Variants in FSTL5 observed in about 807,000 individuals in gnomAD.
FSTL5 encodes follistatin-related protein 5.
Under a neutral mutation model 89.1 loss-of-function variants are expected in FSTL5, and 62 were observed. That is an observed-to-expected ratio of 0.70 (90% CI 0.57 to 0.86). The LOEUF is 0.86. FSTL5 is among the 40% of genes least tolerant of loss of function. The probability of loss-of-function intolerance (pLI) is 0.00; values close to 1 mark genes in which losing one functional copy is unlikely to be tolerated. For missense variants in FSTL5, 1,057 were observed against 1,001.6 expected, an observed-to-expected ratio of 1.06 and a Z score of -0.75; for synonymous variants, 383 against 346.2, an observed-to-expected ratio of 1.11 and a Z score of -1.18.
rs544928224 is a variant in FSTL5, at chr4:161,773,285, CAA to C, written c.606+2591_606+2592del. Among the ~76,000 whole-genome samples the C allele has an allele frequency of 3.9e-4, 59 of 152,124 alleles. No homozygotes were observed. The Middle Eastern group carries it at 0.014, about 35-fold the overall frequency. On this transcript the variant is annotated intron_variant, in intron 5 of 15. Coordinates refer to ENST00000306100, the MANE Select transcript of FSTL5 (RefSeq NM_020116.5). ...AAACCTTTCTAGACATTGGCTTAGG[CAA>C]AGACTTCATGACCAAGAACCCAAAA...
intron 7 of FSTL5, among the ~76,000 whole-genome samples, chr4:161,632,046 T>C (rs1028815902): frequency 6.6e-6 from 1 of 152,156 alleles, no homozygotes; most frequent in Non-Finnish European, 1.5e-5. Context: ...TTATTTTCAA[T>C]TGAGTGACTT....
At chr4:161,809,806 G>T (rs1243356339) in intron 4 of FSTL5, among the ~76,000 whole-genome samples, 1 of 152,156 alleles carries the variant, frequency 6.6e-6, no homozygotes, top group Non-Finnish European at 1.5e-5. Context: ...AAAGTACAAT[G>T]GTTGCAGCTA....
At chr4:161,981,742 T>A (rs528539610) in intron 3 of FSTL5, among the ~76,000 whole-genome samples, 32 of 152,342 alleles carry the variant, frequency 2.1e-4, no homozygotes, top group African/African-American at 7.5e-4. Flanking sequence ...GACTTTGCCT[T>A]CAATTTAATA....
intron 4 of FSTL5, among the ~76,000 whole-genome samples, chr4:161,866,156 C>G (rs12644743): frequency 0.04 from 6,016 of 152,242 alleles, 188 homozygotes; most frequent in East Asian, 0.15. Context: ...AAATTACACT[C>G]CAGACCCAAC....
rs143350440 is a variant in FSTL5, at chr4:162,157,299, A to C, written c.-17+6316T>G. On this transcript the variant is annotated intron_variant, in intron 1 of 15. Coordinates refer to ENST00000306100, the MANE Select transcript of FSTL5 (RefSeq NM_020116.5). The stretch of plus-strand genomic sequence containing the variant: ...AAAGTAAATTGAAGGAGAATTTGTC[A>C]TCAACTGACTGCCAGAAAAAAAATA... Among the ~76,000 whole-genome samples the C allele has an allele frequency of 8.5e-5, 13 of 152,268 alleles. No homozygotes were observed. In the East Asian group the frequency reaches 2.5e-3, roughly 29 times the overall value.
intron 1 of FSTL5, among the ~76,000 whole-genome samples, chr4:162,154,988 A>T (rs1375407360): frequency 1.3e-5 from 2 of 152,150 alleles, no homozygotes; most frequent in Non-Finnish European, 2.9e-5. Flanking sequence ...AGCAATAAAG[A>T]CCAAGGTTTA....
At chr4:161,474,397 T>C (rs952947168) in intron 13 of FSTL5, among the ~76,000 whole-genome samples, 2 of 152,196 alleles carry the variant, frequency 1.3e-5, no homozygotes, top group African/African-American at 4.8e-5. Context: ...AGACTAATAA[T>C]ATTTATGCAT....
intron 4 of FSTL5, among the ~76,000 whole-genome samples, chr4:161,907,725 CT>C (rs1179570354): frequency 6.6e-6 from 1 of 152,022 alleles, no homozygotes; most frequent in Non-Finnish European, 1.5e-5. Flanking sequence ...ACGATGAGGA[CT>C]TTTTATGGAG....
chr4:161,972,838 C>G (rs1735523979), intron 3 of FSTL5, among the ~76,000 whole-genome samples: 1 of 152,196 alleles, frequency 6.6e-6, no homozygotes, highest in Non-Finnish European at 1.5e-5. Flanking sequence ...CCATCACTTT[C>G]ACATGGACTA....
chr4:161,864,408 A>G (rs1732012618), intron 4 of FSTL5, among the ~76,000 whole-genome samples: 1 of 152,198 alleles, frequency 6.6e-6, no homozygotes, highest in African/African-American at 2.4e-5. Context: ...ATTATGACTA[A>G]CCTCACAGGT....
chr4:161,969,959 A>C (rs1735435397), intron 3 of FSTL5, among the ~76,000 whole-genome samples: 1 of 152,140 alleles, frequency 6.6e-6, no homozygotes, highest in Non-Finnish European at 1.5e-5. Context: ...TTCGATGCAG[A>C]GGGTGAAAGG....
intron 6 of FSTL5, among the ~76,000 whole-genome samples, chr4:161,736,913 A>G (rs954493878): frequency 6.6e-6 from 1 of 152,098 alleles, no homozygotes; most frequent in Admixed American, 6.6e-5. Context: ...CAAATTAGTG[A>G]GCAATACTCT....
chr4:161,775,965 T>C lies in FSTL5; in HGVS notation c.519A>G (p.Ile173Met). Reference sequence around the variant, plus strand: ...GATCCACCAATAGCTTCTTCCGAGATATGTCGTCGCCATTAGGATTTTCAT... The same window carrying C: ...GATCCACCAATAGCTTCTTCCGAGACATGTCGTCGCCATTAGGATTTTCAT... Reference protein sequence around the residue: ...QENENPNGDDISRKKLLVDQM... With the variant: ...QENENPNGDDMSRKKLLVDQM... The change falls in exon 5 of 16, where the codon ATA becomes ATG. Residue 173 changes from isoleucine (I) to methionine (M), a missense_variant. Physicochemically the swap from Ile to Met is conservative, Grantham distance 10 (BLOSUM62 1). Around this residue, in one of 3 missense-constraint regions of FSTL5, gnomAD observed 980 missense variants for 903.2 expected, o/e 1.08. Transcript: ENST00000306100. 1 of 1,607,894 alleles carries C rather than the reference T, an allele frequency of 6.2e-7. No individual in the cohort carries two copies.
At chr4:162,048,936 G>A (rs542010993) in intron 2 of FSTL5, among the ~76,000 whole-genome samples, 1 of 152,100 alleles carries the variant, frequency 6.6e-6, no homozygotes, top group Non-Finnish European at 1.5e-5. Flanking sequence ...TAGACAAAGG[G>A]TCTTAAGACA....
intron 1 of FSTL5, among the ~76,000 whole-genome samples, chr4:162,151,749 T>C (rs1388838): frequency 0.049 from 7,399 of 152,236 alleles, 366 homozygotes; most frequent in African/African-American, 0.12. Flanking sequence ...ACACAGCAAT[T>C]TCAAGAGAAA....
intron 1 of FSTL5, among the ~76,000 whole-genome samples, chr4:162,118,389 T>C (rs2111426097): frequency 6.6e-6 from 1 of 152,246 alleles, no homozygotes; most frequent in Admixed American, 6.5e-5. Flanking sequence ...GCCTCCTGAG[T>C]AGCTGGGACT....
intron 4 of FSTL5, among the ~76,000 whole-genome samples, chr4:161,812,517 AACAC>A (rs3077014): frequency 6.6e-6 from 1 of 151,220 alleles, no homozygotes; most frequent in Non-Finnish European, 1.5e-5. Context: ...AGTTAAGAAA[AACAC>A]ACACACACAC....
intron 7 of FSTL5, among the ~76,000 whole-genome samples, chr4:161,629,094 TG>T (rs1191279731): frequency 3.3e-5 from 5 of 152,276 alleles, no homozygotes; most frequent in Admixed American, 1.3e-4. Context: ...AAGTTTGCTT[TG>T]TCCCTGAAGA....
chr4:162,066,070 A>G (rs943959501), intron 2 of FSTL5, among the ~76,000 whole-genome samples: 1 of 152,046 alleles, frequency 6.6e-6, no homozygotes, highest in African/African-American at 2.4e-5. Flanking sequence ...AAGATTTAGA[A>G]CATTTATATT....
Sources: gnomAD v4.1 joint callset for allele counts (sites outside exome capture counted in the v4.1 genomes callset) on GRCh38, gnomAD v4.1.1 for gene constraint, gnomAD v4.1.1 regional missense constraint, MANE v1.5 for transcripts, NCBI Gene and HGNC (gene_info 2026-07-23, HGNC 2026-07-21) for gene names.